Variants in B4GALT6 observed in about 807,000 individuals in gnomAD.
B4GALT6 encodes beta-1,4-galactosyltransferase 6.
In B4GALT6, 14 loss-of-function variants were observed where a neutral mutation model predicts 46.3. That is an observed-to-expected ratio of 0.30 (90% CI 0.20 to 0.47). B4GALT6 has a LOEUF of 0.47. Among genes scored for constraint, B4GALT6 ranks in the 20% least tolerant of loss-of-function variants. The probability of loss-of-function intolerance (pLI) is 0.99; values close to 1 mark genes in which losing one functional copy is unlikely to be tolerated. For missense variants in B4GALT6, 386 were observed against 480.1 expected (o/e 0.80, Z 1.83); for synonymous variants, 168 against 162.0 (o/e 1.04, Z -0.28).
At chr18:31,699,573 C>CAAAAT in the B4GALT6 span, among the ~76,000 whole-genome samples, 2 of 150,674 alleles carry the variant, frequency 1.3e-5, no homozygotes, top group African/African-American at 4.9e-5. Flanking sequence ...CACGCCCGGC[C>CAAAAT]TAGACAGATA....
intron 3 of B4GALT6, among the ~76,000 whole-genome samples, chr18:31,654,832 T>G (rs1318776958): frequency 6.6e-6 from 1 of 152,238 alleles, no homozygotes; most frequent in Non-Finnish European, 1.5e-5. Context: ...TATAAGATTT[T>G]ATACTTATGT....
At chr18:31,642,289 T>C (rs935568856) in intron 4 of B4GALT6, among the ~76,000 whole-genome samples, 9 of 152,172 alleles carry the variant, frequency 5.9e-5, no homozygotes, top group African/African-American at 2.2e-4. Context: ...GTGATCCTTC[T>C]GCCACAGTCT....
chr18:31,672,280 A>G (rs2074365456), intron 1 of B4GALT6, among the ~76,000 whole-genome samples: 1 of 152,184 alleles, frequency 6.6e-6, no homozygotes, highest in African/African-American at 2.4e-5. Context: ...TTTGAGAGGG[A>G]GATGATGATC....
At chr18:31,720,079 T>C in the B4GALT6 span, among the ~76,000 whole-genome samples, 1 of 152,258 alleles carries the variant, frequency 6.6e-6, no homozygotes, top group Non-Finnish European at 1.5e-5. Context: ...GTTATTAATT[T>C]TGTTTTAAAG....
At chr18:31,645,321 C>T in intron 4 of B4GALT6, 34 bp downstream of exon 4, 1 of 1,611,528 alleles carries the variant, frequency 6.2e-7, no homozygotes. Flanking sequence ...TGCTCAGTAA[C>T]AATCAAATTG....
At chr18:31,683,155 G>C (rs1329918812) in intron 1 of B4GALT6, among the ~76,000 whole-genome samples, 1 of 152,146 alleles carries the variant, frequency 6.6e-6, no homozygotes. Context: ...AAGTCTCATA[G>C]TAATTTTAAG....
At chr18:31,647,052 G>A (rs550047069) in intron 3 of B4GALT6, among the ~76,000 whole-genome samples, 12 of 152,198 alleles carry the variant, frequency 7.9e-5, no homozygotes, top group Non-Finnish European at 1.6e-4. Context: ...AGATTGATCA[G>A]TAAACATAAG....
intron 4 of B4GALT6, among the ~76,000 whole-genome samples, chr18:31,643,950 C>T (rs2073960767): frequency 6.6e-6 from 1 of 152,156 alleles, no homozygotes; most frequent in Non-Finnish European, 1.5e-5. Flanking sequence ...ATTCAATATA[C>T]ACACTCAGCA....
chr18:31,673,168 G>A (rs2074375943), intron 1 of B4GALT6, among the ~76,000 whole-genome samples: 1 of 152,110 alleles, frequency 6.6e-6, no homozygotes, highest in Admixed American at 6.5e-5. Flanking sequence ...TTAAGCAGAG[G>A]CTGAAGTGCA....
chr18:31,681,949 A>G (rs1402901895), intron 1 of B4GALT6, among the ~76,000 whole-genome samples: 1 of 152,238 alleles, frequency 6.6e-6, no homozygotes, highest in African/African-American at 2.4e-5. Flanking sequence ...TATTTCAAGA[A>G]AAATCCACAT....
rs141254348 is a variant in B4GALT6 at position 31,665,514 on chromosome 18, C to T, written c.232+742G>A. 2.2e-3 allele frequency among the ~76,000 whole-genome samples: 327 copies of T among 152,044 alleles called. 2 individuals are homozygous for T. The highest frequency in any genetic ancestry group is 7.4e-3 in the African/African-American group (306 of 41,484). On this transcript the variant is annotated intron_variant, in intron 2 of 8. Coordinates refer to ENST00000306851, the MANE Select transcript of B4GALT6 (RefSeq NM_004775.5). The stretch of plus-strand genomic sequence containing the variant: ...CAGCACTTTCGGAGGCTGAAGCGGG[C>T]GTATCACGAGGTCAAGAGATTGAGA...
the B4GALT6 span, among the ~76,000 whole-genome samples, chr18:31,697,281 A>AAGAG: frequency 1.3e-5 from 2 of 151,136 alleles, no homozygotes; most frequent in Non-Finnish European, 3.0e-5. Flanking sequence ...CCCTGAAAAA[A>AAGAG]AGAGAGAGAG....
chr18:31,660,796 T>C (rs1228684459), intron 2 of B4GALT6, among the ~76,000 whole-genome samples: 1 of 151,958 alleles, frequency 6.6e-6, no homozygotes, highest in Non-Finnish European at 1.5e-5. Context: ...GGTAAGATAT[T>C]CCATACTGAT....
At chr18:31,696,184 T>C in the B4GALT6 span, among the ~76,000 whole-genome samples, 16 of 152,286 alleles carry the variant, frequency 1.1e-4, no homozygotes, top group Admixed American at 2.0e-4. Flanking sequence ...TAACAGATGT[T>C]GCTGAAAACA....
At chr18:31,645,320 ACAAT>A in intron 4 of B4GALT6, 31 bp downstream of exon 4, 1 of 1,611,408 alleles carries the variant, frequency 6.2e-7, no homozygotes, top group Non-Finnish European at 8.5e-7. Flanking sequence ...ATGCTCAGTA[ACAAT>A]CAAATTGCTT....
chr18:31,655,442 A>C (rs1293306447), intron 3 of B4GALT6, among the ~76,000 whole-genome samples: 1 of 152,114 alleles, frequency 6.6e-6, no homozygotes, highest in African/African-American at 2.4e-5. Flanking sequence ...AAGCAGAGAG[A>C]AGGGGCAGTA....
chr18:31,627,552 A>T (rs1385520438), intron 6 of B4GALT6, among the ~76,000 whole-genome samples: 3 of 152,194 alleles, frequency 2.0e-5, no homozygotes, highest in Non-Finnish European at 4.4e-5. Flanking sequence ...ATAGAGCAGG[A>T]TAAATATCAA....
chr18:31,713,123 C>T, the B4GALT6 span, among the ~76,000 whole-genome samples: 2 of 152,212 alleles, frequency 1.3e-5, no homozygotes, highest in South Asian at 2.1e-4. Flanking sequence ...GAGTCTGAGG[C>T]GGGTGGATTA....
chr18:31,626,946 A>C lies in B4GALT6; in HGVS notation c.899+53T>G. ...GGATAAGTACTACAATTTACCTAAT[A>C]TAAATAAGATTTATAAAAATTCTAT... On this transcript the variant is annotated intron_variant, in intron 7 of 8. Transcript: ENST00000306851. 2.0e-6 allele frequency: 3 copies of C among 1,500,724 alleles called. No individual in the cohort carries two copies. In the South Asian group the frequency reaches 3.7e-5, roughly 19 times the overall value. 93.0% of individuals were successfully genotyped at this position (1,500,724 alleles called of 1,614,324 possible).
Sources: allele counts gnomAD v4.1 joint callset (sites outside exome capture counted in the v4.1 genomes callset), GRCh38; gene constraint gnomAD v4.1.1; transcripts MANE v1.5; gene names NCBI Gene and HGNC (gene_info 2026-07-23, HGNC 2026-07-21).